ABCA9: variants seen among roughly 807,000 people sequenced by gnomAD.
ABCA9 encodes the protein ATP-binding cassette sub-family A member 9.
ABCA9 carries 183 observed loss-of-function variants against 205.3 expected under a neutral mutation model. The ratio of observed to expected loss-of-function variants is 0.89; its 90% CI spans 0.79 to 1.01. ABCA9 has a LOEUF of 1.01. Among genes scored for constraint, ABCA9 ranks in the 50% least tolerant of loss-of-function variants. ABCA9 has a pLI of 0.00. For synonymous variants in ABCA9, 651 were observed against 683.3 expected (o/e 0.95, Z 0.74); for missense variants, 1,805 against 1,912.4 (o/e 0.94, Z 1.05).
intron 5 of ABCA9, 127 bp from the exon 6 acceptor site, chr17:69,043,842 G>C: frequency 2.5e-6 from 2 of 811,646 alleles, no homozygotes; most frequent in Non-Finnish European, 3.7e-6. Context: ...TGCCCTTCAT[G>C]ATCTGGCCCC....
intron 25 of ABCA9, 147 bp from the exon 26 acceptor site, chr17:68,996,161 A>C (rs1282149811): frequency 1.3e-6 from 1 of 786,564 alleles, no homozygotes; most frequent in Non-Finnish European, 1.9e-6. Context: ...TTTCCTTTGC[A>C]ACATGGAATT....
intron 25 of ABCA9, among the ~76,000 whole-genome samples, chr17:69,000,806 T>C (rs1285956450): frequency 3.0e-5 from 4 of 132,414 alleles, no homozygotes; most frequent in Admixed American, 2.1e-4. Context: ...CCTTGAGCAG[T>C]GGTTTGTAGT....
rs778378288 is a variant in ABCA9, at chr17:69,035,648, T to G, written c.942+12A>C. On this transcript the variant is annotated intron_variant, in intron 7 of 38. Transcript: ENST00000340001. ...AGAGAATAAAAGACTTAGATGAAAT[T>G]AACCAACTCACCAAAGACAGGCCAT... 1 of 1,611,834 alleles carries G rather than the reference T, an allele frequency of 6.2e-7. No individual in the cohort carries two copies. Among genetic ancestry groups the G allele is most frequent in the South Asian group, 1.1e-5 (1 of 90,826 alleles).
chr17:69,047,525 A>G (rs894162311), intron 3 of ABCA9, among the ~76,000 whole-genome samples: 7 of 152,082 alleles, frequency 4.6e-5, no homozygotes, highest in African/African-American at 1.7e-4. Context: ...ATTATCTGCA[A>G]GGCCAGGCAG....
At position 69,045,200 on chromosome 17, in the gene ABCA9, G is replaced by A. The variant is rs762094386; in HGVS notation, c.441C>T (p.Pro147=). Residue 147 remains proline (P), a synonymous_variant, in exon 4 of 39, where the codon CCC becomes CCT. Transcript: ENST00000340001. ...HLKFSWGHRI[P]MMKEHRDHSA... ...AATGGTCTCTGTGCTCTTTCATCATGGGGATTCTATGTCCCCAAGAAAACT... is the reference window on the plus strand; with the variant it reads ...AATGGTCTCTGTGCTCTTTCATCATAGGGATTCTATGTCCCCAAGAAAACT... 14 of 1,612,526 alleles carry A rather than the reference G, an allele frequency of 8.7e-6. No homozygotes were observed. The South Asian group carries it at 1.3e-4, about 15-fold the overall frequency.
chr17:69,006,913 G>T (rs149931023), intron 25 of ABCA9, among the ~76,000 whole-genome samples: 68 of 152,258 alleles, frequency 4.5e-4, no homozygotes, highest in African/African-American at 1.5e-3. Flanking sequence ...GATATGTTGC[G>T]CTACTCTAGG....
chr17:69,055,156 A>G (rs956553317), intron 1 of ABCA9, among the ~76,000 whole-genome samples: 7 of 152,242 alleles, frequency 4.6e-5, no homozygotes, highest in African/African-American at 1.4e-4. Flanking sequence ...CAATATGTCA[A>G]TAATCACTTT....
At chr17:69,020,347 A>G (rs2070769783) in intron 19 of ABCA9, 41 bp downstream of exon 19, 8 of 1,529,354 alleles carry the variant, frequency 5.2e-6, no homozygotes, top group Middle Eastern at 1.7e-4. Context: ...ATTTATTTTT[A>G]GTTCACAGAC....
intron 4 of ABCA9, 88 bp downstream of exon 4, chr17:69,045,084 G>T: frequency 9.5e-7 from 1 of 1,048,122 alleles, no homozygotes; most frequent in Non-Finnish European, 1.4e-6. Context: ...GTATATGTTT[G>T]TGTAGTTTCA....
intron 20 of ABCA9, chr17:69,017,993 A>G (rs2070683359): frequency 2.0e-6 from 1 of 506,212 alleles, no homozygotes. Context: ...GAGCCTAGGC[A>G]TTTCATTATA....
chr17:69,027,196 T>A (rs965005410), intron 14 of ABCA9, 82 bp from the exon 15 acceptor site: 1 of 1,577,994 alleles, frequency 6.3e-7, no homozygotes, highest in Non-Finnish European at 8.6e-7. Context: ...TAAAAGTATT[T>A]GGGAGAAACT....
upstream of ABCA9, among the ~76,000 whole-genome samples, chr17:69,063,804 C>T (rs2072312743): frequency 6.6e-6 from 1 of 152,182 alleles, no homozygotes; most frequent in African/African-American, 2.4e-5. Flanking sequence ...GATCTCCTGA[C>T]CGCGTGATCC....
chr17:69,050,490 TATG>T (rs1217417544), intron 2 of ABCA9, among the ~76,000 whole-genome samples: 1 of 152,146 alleles, frequency 6.6e-6, no homozygotes. Context: ...TAATCATTCT[TATG>T]ATCAGAAGAA....
intron 25 of ABCA9, among the ~76,000 whole-genome samples, chr17:69,005,427 A>G (rs4968828): frequency 0.79 from 120,336 of 152,084 alleles, 48,587 homozygotes; most frequent in African/African-American, 0.95. Context: ...TCAGCATCCC[A>G]CCTCTCCAGG....
intron 31 of ABCA9, among the ~76,000 whole-genome samples, chr17:68,987,130 T>C (rs1172436821): frequency 6.6e-6 from 1 of 152,226 alleles, no homozygotes; most frequent in Non-Finnish European, 1.5e-5. Context: ...AACCCCTGTA[T>C]GTGTTAGGTG....
At chr17:68,988,616 T>C (rs910077730) in intron 31 of ABCA9, among the ~76,000 whole-genome samples, 3 of 152,202 alleles carry the variant, frequency 2.0e-5, no homozygotes, top group African/African-American at 7.2e-5. Flanking sequence ...TTATAGCATA[T>C]AGCTAGAGGA....
intron 10 of ABCA9, among the ~76,000 whole-genome samples, chr17:69,029,504 T>G (rs1416289004): frequency 6.6e-6 from 1 of 152,124 alleles, no homozygotes. Context: ...TTAGAAGAAT[T>G]GTGGCAAATG....
At chr17:69,064,725 C>T (rs116118041), upstream of ABCA9, among the ~76,000 whole-genome samples, 250 of 152,316 alleles carry the variant, frequency 1.6e-3, no homozygotes, top group African/African-American at 5.6e-3. Context: ...CTACTCTCCA[C>T]GGCTGTGTCA....
At chr17:69,063,913 G>C (rs1385729798), upstream of ABCA9, among the ~76,000 whole-genome samples, 1 of 152,170 alleles carries the variant, frequency 6.6e-6, no homozygotes, top group Non-Finnish European at 1.5e-5. Flanking sequence ...ACTTGGTCTT[G>C]TTTTGTGCTT....
Sources: allele counts gnomAD v4.1 joint callset (sites outside exome capture counted in the v4.1 genomes callset), GRCh38; gene constraint gnomAD v4.1.1; transcripts MANE v1.5; gene names NCBI Gene and HGNC (gene_info 2026-07-23, HGNC 2026-07-21).